CSMD1: variants seen among roughly 807,000 people sequenced by gnomAD.
The protein encoded by CSMD1 is CUB and Sushi multiple domains 1.
In CSMD1, 213 loss-of-function variants were observed where a neutral mutation model predicts 417.5. The observed-to-expected ratio is 0.51, with a 90% CI of 0.46 to 0.57. The LOEUF is 0.57. Among genes scored for constraint, CSMD1 ranks in the 20% least tolerant of loss-of-function variants. The probability of loss-of-function intolerance (pLI) is 0.00; values close to 1 mark genes in which losing one functional copy is unlikely to be tolerated. For synonymous variants in CSMD1, 2,862 were observed against 1,736.8 expected, an observed-to-expected ratio of 1.65 and a Z score of -16.11; for missense variants, 6,923 against 4,529.7, an observed-to-expected ratio of 1.53 and a Z score of -15.17.
At chr8:4,147,435 C>G (rs937794667) in intron 3 of CSMD1, among the ~76,000 whole-genome samples, 4 of 152,090 alleles carry the variant, frequency 2.6e-5, no homozygotes, top group African/African-American at 9.7e-5. Flanking sequence ...TTCCACCTAC[C>G]TTCTGGAAAG....
intron 8 of CSMD1, among the ~76,000 whole-genome samples, chr8:3,599,803 C>T (rs181937500): frequency 2.4e-4 from 36 of 152,320 alleles, no homozygotes; most frequent in African/African-American, 8.2e-4. Context: ...CTTCTTTCCT[C>T]CTGTCTTTCA....
At chr8:3,542,112 A>G (rs928935994) in intron 10 of CSMD1, among the ~76,000 whole-genome samples, 2 of 152,232 alleles carry the variant, frequency 1.3e-5, no homozygotes, top group African/African-American at 4.8e-5. Flanking sequence ...AAAATTCAAC[A>G]GAGACTCTTT....
intron 1 of CSMD1, among the ~76,000 whole-genome samples, chr8:4,861,953 A>C (rs945545411): frequency 5.9e-5 from 9 of 152,132 alleles, no homozygotes; most frequent in African/African-American, 2.2e-4. Context: ...ACAAATATAA[A>C]TAAATATATA....
chr8:3,598,855 G>T (rs1801218362), intron 8 of CSMD1, among the ~76,000 whole-genome samples: 1 of 152,182 alleles, frequency 6.6e-6, no homozygotes, highest in South Asian at 2.1e-4. Flanking sequence ...GGCCGACACA[G>T]GTGGATCACA....
intron 5 of CSMD1, among the ~76,000 whole-genome samples, chr8:3,794,899 T>C (rs962403446): frequency 1.3e-5 from 2 of 151,942 alleles, no homozygotes; most frequent in Non-Finnish European, 2.9e-5. Context: ...CTGTCTGTAA[T>C]GGTTTCCTAC....
intron 3 of CSMD1, among the ~76,000 whole-genome samples, chr8:4,077,297 G>GTATGTATA (rs1554439876): frequency 1.6e-5 from 2 of 121,290 alleles, no homozygotes; most frequent in Non-Finnish European, 1.7e-5. Context: ...ATATATATGT[G>GTATGTATA]TATATATATA....
chr8:3,881,233 C>T (rs969504996), intron 5 of CSMD1, among the ~76,000 whole-genome samples: 4 of 147,868 alleles, frequency 2.7e-5, no homozygotes, highest in African/African-American at 1.0e-4. Flanking sequence ...TCAACCCAAA[C>T]CTCAACAGAG....
intron 3 of CSMD1, among the ~76,000 whole-genome samples, chr8:4,217,026 T>C (rs919109932): frequency 6.6e-6 from 1 of 152,200 alleles, no homozygotes; most frequent in Non-Finnish European, 1.5e-5. Flanking sequence ...TCTTAAAGGA[T>C]AAGTCTTTGA....
chr8:4,902,832 T>C (rs1308198343), intron 1 of CSMD1, among the ~76,000 whole-genome samples: 1 of 151,930 alleles, frequency 6.6e-6, no homozygotes, highest in Admixed American at 6.6e-5. Flanking sequence ...TATACATACA[T>C]ACACATATTT....
chr8:4,479,050 G>A (rs1025412575), intron 2 of CSMD1, among the ~76,000 whole-genome samples: 1 of 152,124 alleles, frequency 6.6e-6, no homozygotes, highest in Non-Finnish European at 1.5e-5. Context: ...TATGGCAGGG[G>A]CTCAATGCTA....
At chr8:3,791,238 G>C (rs1040211282) in intron 5 of CSMD1, among the ~76,000 whole-genome samples, 1 of 152,142 alleles carries the variant, frequency 6.6e-6, no homozygotes, top group African/African-American at 2.4e-5. Flanking sequence ...AATGCTTTTA[G>C]AGATTCTATA....
At chr8:3,436,691 C>T (rs1292222084) in intron 12 of CSMD1, among the ~76,000 whole-genome samples, 3 of 152,040 alleles carry the variant, frequency 2.0e-5, no homozygotes, top group Non-Finnish European at 2.9e-5. Context: ...ATATACGCGA[C>T]ACCTTAGAAA....
intron 2 of CSMD1, among the ~76,000 whole-genome samples, chr8:4,581,195 G>A (rs1395571081): frequency 1.3e-5 from 2 of 152,104 alleles, no homozygotes; most frequent in African/African-American, 2.4e-5. Flanking sequence ...TTGACTTGTT[G>A]ATAAAACTAA....
At chr8:3,888,157 G>A (rs73172290) in intron 5 of CSMD1, among the ~76,000 whole-genome samples, 4,575 of 152,256 alleles carry the variant, frequency 0.03, 101 homozygotes, top group Non-Finnish European at 0.043. Context: ...TGTATGCAAT[G>A]TTCGTCATCC....
At chr8:3,663,001 A>AAAAT (rs1223420447) in intron 7 of CSMD1, among the ~76,000 whole-genome samples, 2 of 152,104 alleles carry the variant, frequency 1.3e-5, no homozygotes, top group Non-Finnish European at 2.9e-5. Flanking sequence ...AACTTAAAGT[A>AAAAT]AAATAAATAA....
At chr8:3,272,910 G>A (rs1028152425) in intron 26 of CSMD1, among the ~76,000 whole-genome samples, 60 of 149,044 alleles carry the variant, frequency 4.0e-4, no homozygotes, top group African/African-American at 1.4e-3. Flanking sequence ...TTTCCTAATT[G>A]AATACCCTTT....
At chr8:3,942,337 T>G (rs1810938856) in intron 5 of CSMD1, among the ~76,000 whole-genome samples, 1 of 152,156 alleles carries the variant, frequency 6.6e-6, no homozygotes, top group African/African-American at 2.4e-5. Flanking sequence ...TCCAAGAAAC[T>G]GGTGTCAGGC....
At chr8:3,638,229 A>G (rs150885806) in intron 7 of CSMD1, among the ~76,000 whole-genome samples, 2,584 of 152,270 alleles carry the variant, frequency 0.017, 42 homozygotes, top group South Asian at 0.048. Context: ...GCTTTAAAAC[A>G]TTGGTAGAAA....
chr8:3,133,539 C>G (rs535276200), intron 41 of CSMD1, among the ~76,000 whole-genome samples: 1 of 152,114 alleles, frequency 6.6e-6, no homozygotes, highest in African/African-American at 2.4e-5. Context: ...CACCGGCAGA[C>G]GAGAGTGAAG....
Sources: allele counts gnomAD v4.1 joint callset (sites outside exome capture counted in the v4.1 genomes callset), GRCh38; gene constraint gnomAD v4.1.1; transcripts MANE v1.5; gene names NCBI Gene and HGNC (gene_info 2026-07-23, HGNC 2026-07-21).